Variants in SPEF2 observed in about 807,000 individuals in gnomAD.
The protein encoded by SPEF2 is sperm flagellar and cilia associated 2.
Under a neutral mutation model 224.6 loss-of-function variants are expected in SPEF2, and 187 were observed. The ratio of observed to expected loss-of-function variants is 0.83; its 90% CI spans 0.74 to 0.94. The LOEUF (loss-of-function observed/expected upper bound fraction) is 0.94, where lower values mean the gene tolerates loss of function less well. Ranked by LOEUF, SPEF2 falls within the 40% of genes least tolerant of loss-of-function variation. SPEF2 has a pLI of 0.00. For missense variants in SPEF2, 2,170 were observed against 2,135.6 expected (o/e 1.02, Z -0.32); for synonymous variants, 715 against 707.3 (o/e 1.01, Z -0.17).
chr5:35,768,938 T>C (rs964836616), intron 26 of SPEF2, among the ~76,000 whole-genome samples: 1 of 152,192 alleles, frequency 6.6e-6, no homozygotes, highest in African/African-American at 2.4e-5. Flanking sequence ...ATGTTAATTT[T>C]TGGCAAAACT....
intron 26 of SPEF2, among the ~76,000 whole-genome samples, chr5:35,768,203 G>A (rs1410220735): frequency 6.6e-6 from 1 of 152,062 alleles, no homozygotes; most frequent in African/African-American, 2.4e-5. Context: ...CTGCTATGCT[G>A]ATGATGCTGA....
chr5:35,800,536 A>G (rs1271526976), intron 34 of SPEF2, among the ~76,000 whole-genome samples: 2 of 152,200 alleles, frequency 1.3e-5, no homozygotes, highest in Non-Finnish European at 2.9e-5. Flanking sequence ...CACACCACAT[A>G]TATGGGGCTT....
intron 1 of SPEF2, among the ~76,000 whole-genome samples, chr5:35,625,357 C>T (rs1744095200): frequency 1.3e-5 from 2 of 152,186 alleles, no homozygotes; most frequent in Admixed American, 6.5e-5. Flanking sequence ...TTCTGGTGAC[C>T]TTTTTGTAGA....
intron 23 of SPEF2, among the ~76,000 whole-genome samples, chr5:35,742,639 C>T (rs6451213): frequency 0.57 from 85,828 of 151,434 alleles, 26,078 homozygotes; most frequent in Middle Eastern, 0.7. Flanking sequence ...CCATTTTCTC[C>T]TAAGTTTAAT....
Position 35,689,201 on chromosome 5 carries a change from G to T in SPEF2, c.1525-1836G>T, listed in dbSNP as rs533661279. On this transcript the variant is annotated intron_variant, in intron 10 of 36. Transcript: ENST00000356031. Reference sequence around the variant, plus strand: ...CTTTCATGGCTTTTATCTTTTCAAAGATTTTATTTCATTTTATTCATTTGC... The same window carrying T: ...CTTTCATGGCTTTTATCTTTTCAAATATTTTATTTCATTTTATTCATTTGC... Among the ~76,000 whole-genome samples the T allele has an allele frequency of 2.1e-4, 32 of 152,010 alleles. No individual in the cohort carries two copies. In the East Asian group the frequency reaches 4.3e-3, roughly 20 times the overall value.
intron 8 of SPEF2, among the ~76,000 whole-genome samples, chr5:35,661,390 TATATATATATATTTGTTAACAAAAA>T (rs1174064635): frequency 2.7e-5 from 4 of 146,576 alleles, no homozygotes; most frequent in African/African-American, 7.5e-5. Flanking sequence ...CCAAGATAAA[TATATATATATATTTGTTAACAAAAA>T]ATATATATAT....
In SPEF2 at chr5:35,692,624, C is replaced by G. The variant is rs752061108; in HGVS notation, c.1799C>G (p.Ala600Gly). 1 of 1,613,402 alleles carries G rather than the reference C, an allele frequency of 6.2e-7. No homozygotes were observed. The highest frequency in any genetic ancestry group is 8.5e-7 in the Non-Finnish European group (1 of 1,179,474). Residue 600 changes from alanine to glycine, a missense_variant, in exon 12 of 37, where the codon GCA becomes GGA. Ala to Gly is a moderately conservative substitution (Grantham distance 60, BLOSUM62 0). Coordinates refer to ENST00000356031, the MANE Select transcript of SPEF2 (RefSeq NM_024867.4). ...ACTCTTGTCCAAGAAGCTATCCAAGCATTTCATGACAATGAAAAAGTCAGT... is the reference window on the plus strand; with the variant it reads ...ACTCTTGTCCAAGAAGCTATCCAAGGATTTCATGACAATGAAAAAGTCAGT... ...IDTLVQEAIQ[A>G]FHDNEKVSEV...
intron 10 of SPEF2, among the ~76,000 whole-genome samples, chr5:35,683,479 G>C (rs534231519): frequency 6.6e-6 from 1 of 152,306 alleles, no homozygotes; most frequent in East Asian, 1.9e-4. Flanking sequence ...CCAAAAATTA[G>C]CTAGGCGTAG....
intron 2 of SPEF2, among the ~76,000 whole-genome samples, chr5:35,628,996 G>T (rs187096855): frequency 8.5e-5 from 13 of 152,084 alleles, no homozygotes; most frequent in African/African-American, 2.7e-4. Context: ...CACCCAAGCA[G>T]ACCATTGATA....
chr5:35,761,285 A>G (rs1751250036), intron 25 of SPEF2, among the ~76,000 whole-genome samples: 2 of 152,192 alleles, frequency 1.3e-5, no homozygotes, highest in Non-Finnish European at 2.9e-5. Context: ...CATCTCTCTT[A>G]AGCCTCAGTT....
At chr5:35,696,206 A>G (rs79102089) in intron 14 of SPEF2, among the ~76,000 whole-genome samples, 1 of 152,320 alleles carries the variant, frequency 6.6e-6, no homozygotes, top group African/African-American at 2.4e-5. Flanking sequence ...TGTTTACAAC[A>G]GTTCACTCAC....
At chr5:35,783,052 A>G (rs1247041777) in intron 30 of SPEF2, among the ~76,000 whole-genome samples, 1 of 152,232 alleles carries the variant, frequency 6.6e-6, no homozygotes, top group East Asian at 1.9e-4. Flanking sequence ...GCATAAGAAC[A>G]GTATGAGTAA....
chr5:35,631,592 A>G (rs944095406), intron 2 of SPEF2, among the ~76,000 whole-genome samples: 5 of 152,164 alleles, frequency 3.3e-5, no homozygotes, highest in African/African-American at 1.2e-4. Flanking sequence ...CTCAAACCCA[A>G]CAATTCTACT....
At chr5:35,788,574 A>G (rs758653843) in intron 30 of SPEF2, 1 of 702,862 alleles carries the variant, frequency 1.4e-6, no homozygotes, top group Non-Finnish European at 2.6e-6. Flanking sequence ...GAAAGAAATG[A>G]TCCTCTGGCA....
intron 20 of SPEF2, among the ~76,000 whole-genome samples, chr5:35,713,408 A>G (rs1741606039): frequency 6.6e-6 from 1 of 151,946 alleles, no homozygotes; most frequent in Admixed American, 6.6e-5. Context: ...ATTTTTTTGT[A>G]ATCCTTTAAG....
intron 21 of SPEF2, among the ~76,000 whole-genome samples, chr5:35,729,898 C>G (rs1745342652): frequency 6.6e-6 from 1 of 152,108 alleles, no homozygotes; most frequent in South Asian, 2.1e-4. Flanking sequence ...GTGTCTTTCA[C>G]CTCATACCAT....
At chr5:35,727,938 A>G in intron 21 of SPEF2, 115 bp downstream of exon 21, 7 of 1,114,642 alleles carry the variant, frequency 6.3e-6, no homozygotes, top group Non-Finnish European at 8.7e-6. Context: ...ATATATATCT[A>G]TCCATCTGAG....
In SPEF2 at chr5:35,694,269, G is replaced by A. The variant is rs1387049227; in HGVS notation, c.1900-19G>A. The A allele has an allele frequency of 1.2e-6, 2 of 1,607,478 alleles. No homozygotes were observed. Among genetic ancestry groups the A allele is most frequent in the East Asian group, 2.2e-5 (1 of 44,766 alleles). On this transcript the variant is annotated intron_variant, in intron 12 of 36. Transcript: ENST00000356031. ...TAGCAATGGTAAAATCCCTCCCTAT[G>A]TGTGTTTTCTCTCCAAAGGATCCAC...
At chr5:35,744,035 CT>C (rs1748082473) in intron 23 of SPEF2, among the ~76,000 whole-genome samples, 1 of 152,152 alleles carries the variant, frequency 6.6e-6, no homozygotes, top group African/African-American at 2.4e-5. Context: ...ATCCTAAGTG[CT>C]TTTTGTCTTA....
Sources: allele counts gnomAD v4.1 joint callset (sites outside exome capture counted in the v4.1 genomes callset), GRCh38; gene constraint gnomAD v4.1.1; transcripts MANE v1.5; gene names NCBI Gene and HGNC (gene_info 2026-07-23, HGNC 2026-07-21).